The following PLCB1 variants were observed in gnomAD, a reference collection of about 807,000 sequenced individuals.
PLCB1 encodes phospholipase C beta 1.
PLCB1 carries 46 observed loss-of-function variants against 161.8 expected under a neutral mutation model. The observed-to-expected ratio is 0.28, with a 90% CI of 0.22 to 0.36. The LOEUF is 0.36. Ranked by LOEUF, PLCB1 falls within the 10% of genes least tolerant of loss-of-function variation. PLCB1 has a pLI of 1.00. For synonymous variants in PLCB1, 517 were observed against 503.7 expected (o/e 1.03, Z -0.35); for missense variants, 1,016 against 1,472.5 (o/e 0.69, Z 5.07).
At chr20:8,699,134 CAG>C (rs1261228242) in intron 11 of PLCB1, among the ~76,000 whole-genome samples, 6 of 152,174 alleles carry the variant, frequency 3.9e-5, no homozygotes, top group Non-Finnish European at 7.3e-5. Flanking sequence ...AAATGGGAAT[CAG>C]AAGAGAAGGG....
intron 2 of PLCB1, among the ~76,000 whole-genome samples, chr20:8,258,309 C>A (rs887667248): frequency 1.4e-4 from 21 of 152,110 alleles, no homozygotes; most frequent in African/African-American, 4.3e-4. Flanking sequence ...GATTATAGTT[C>A]TCTTCATAGA....
At chr20:8,774,964 C>A (rs1600316634) in intron 27 of PLCB1, among the ~76,000 whole-genome samples, 1 of 151,970 alleles carries the variant, frequency 6.6e-6, no homozygotes, top group South Asian at 2.1e-4. Flanking sequence ...TTTTCACTAA[C>A]TTATGTTGAG....
chr20:8,646,257 G>C (rs1217893072), intron 5 of PLCB1, 76 bp downstream of exon 5: 7 of 974,206 alleles, frequency 7.2e-6, no homozygotes, highest in Non-Finnish European at 1.2e-5. Context: ...TGAGTCTTCC[G>C]TTTATGCCAT....
intron 2 of PLCB1, among the ~76,000 whole-genome samples, chr20:8,215,791 A>C (rs1000215022): frequency 6.6e-6 from 1 of 152,022 alleles, no homozygotes; most frequent in African/African-American, 2.4e-5. Flanking sequence ...GATCTTTGAA[A>C]AGTGCTGAAG....
chr20:8,376,785 G>C (rs1020531462), intron 3 of PLCB1, among the ~76,000 whole-genome samples: 1 of 151,986 alleles, frequency 6.6e-6, no homozygotes, highest in Non-Finnish European at 1.5e-5. Context: ...AAAATTAGCT[G>C]GGCATGGTGG....
rs555306437 is a variant in PLCB1 at position 8,143,876 on chromosome 20, A to G, written c.100-6418A>G. ...AAACCATGTTTTCAACCCTGGCACC[A>G]TTGACATTTGGTCCCAGTAGTTTTT... On this transcript the variant is annotated intron_variant, in intron 1 of 31. Coordinates refer to ENST00000338037, the MANE Select transcript of PLCB1 (RefSeq NM_015192.4). 6.6e-5 allele frequency among the ~76,000 whole-genome samples: 10 copies of G among 152,318 alleles called. No homozygotes were observed. The South Asian group carries it at 1.5e-3, about 22-fold the overall frequency.
At chr20:8,738,517 G>C in intron 20 of PLCB1, among the ~76,000 whole-genome samples, 1 of 151,930 alleles carries the variant, frequency 6.6e-6, no homozygotes, top group South Asian at 2.1e-4. Flanking sequence ...TGCACATTGT[G>C]CACATGTACC....
In PLCB1 at chr20:8,146,799, A is replaced by G. The variant is rs900897793; in HGVS notation, c.100-3495A>G. 2.0e-3 allele frequency among the ~76,000 whole-genome samples: 299 copies of G among 152,282 alleles called. 3 individuals carry two copies. Among genetic ancestry groups the G allele is most frequent in the Non-Finnish European group, 5.7e-4 (39 of 68,032 alleles). On this transcript the variant is annotated intron_variant, in intron 1 of 31. Coordinates refer to ENST00000338037, the MANE Select transcript of PLCB1 (RefSeq NM_015192.4). ...ATTACTAAATAACATCTTCTTAATT[A>G]CTATATTAATCTTCACTATTTATGA...
intron 3 of PLCB1, among the ~76,000 whole-genome samples, chr20:8,529,389 T>G (rs1215401173): frequency 6.6e-6 from 1 of 152,056 alleles, no homozygotes; most frequent in African/African-American, 2.4e-5. Context: ...ACAGCAACAC[T>G]TCCCCCAGAA....
chr20:8,881,723 A>C lies in PLCB1; in HGVS notation c.3525A>C (p.Glu1175Asp), dbSNP rs1455824326. ...AAGCCATGAAAGGAAAGATCAGTGA[A>C]GACAGCAATCACGGTTCTGCCCCTC... ...VQEAMKGKIS[E>D]DSNHGSAPLS... is the part of the protein sequence containing the mutation. Residue 1175 changes from glutamate to aspartate, a missense_variant, in exon 32 of 32, where the codon GAA becomes GAC. Coordinates refer to ENST00000338037, the MANE Select transcript of PLCB1 (RefSeq NM_015192.4). The C allele has an allele frequency of 6.2e-7, 1 of 1,614,030 alleles. No individual in the cohort carries two copies. Among genetic ancestry groups the C allele is most frequent in the South Asian group, 1.1e-5 (1 of 91,074 alleles).
chr20:8,852,937 G>A (rs1986939763), intron 31 of PLCB1, among the ~76,000 whole-genome samples: 1 of 152,178 alleles, frequency 6.6e-6, no homozygotes, highest in Non-Finnish European at 1.5e-5. Flanking sequence ...GTTACATTAT[G>A]TCAGTTTACA....
chr20:8,775,073 C>CTTTTTTT, intron 27 of PLCB1, among the ~76,000 whole-genome samples: 1 of 123,938 alleles, frequency 8.1e-6, no homozygotes, highest in Non-Finnish European at 1.7e-5. Flanking sequence ...CAAATTTTCC[C>CTTTTTTT]TTTTTTTTTT....
At chr20:8,639,038 G>T (rs1169367378) in intron 4 of PLCB1, among the ~76,000 whole-genome samples, 4 of 152,254 alleles carry the variant, frequency 2.6e-5, no homozygotes, top group African/African-American at 9.6e-5. Flanking sequence ...ACTGCCTGGG[G>T]TGGGCATTGT....
chr20:8,853,642 A>G (rs949982660), intron 31 of PLCB1, among the ~76,000 whole-genome samples: 2 of 152,182 alleles, frequency 1.3e-5, no homozygotes, highest in Admixed American at 6.5e-5. Context: ...TGGTGCTTCT[A>G]TGAACACTTG....
chr20:8,631,272 T>G (rs1988580686), intron 4 of PLCB1, among the ~76,000 whole-genome samples: 1 of 152,188 alleles, frequency 6.6e-6, no homozygotes, highest in Non-Finnish European at 1.5e-5. Flanking sequence ...ACTTTGACAA[T>G]CTCTTCCTTA....
chr20:8,772,876 G>A (rs1287289846), intron 26 of PLCB1, among the ~76,000 whole-genome samples: 1 of 151,940 alleles, frequency 6.6e-6, no homozygotes. Flanking sequence ...GTTGTGGTGA[G>A]CTAAGATCGT....
chr20:8,790,223 A>C lies in PLCB1; in HGVS notation c.3385A>C (p.Lys1129Gln). 1.2e-6 allele frequency: 2 copies of C among 1,612,186 alleles called. No individual in the cohort carries two copies. Among genetic ancestry groups the C allele is most frequent in the Non-Finnish European group, 1.7e-6 (2 of 1,178,722 alleles). ...KRQEKLVEKH[K>Q]EIRQQILDEK... ...GCAAGAAAAACTCGTAGAGAAACACAAGGAAATACGTCAGCAGATCCTGGA... is the reference window on the plus strand; with the variant it reads ...GCAAGAAAAACTCGTAGAGAAACACCAGGAAATACGTCAGCAGATCCTGGA... Residue 1129 changes from lysine to glutamine, a missense_variant, in exon 31 of 32, where the codon AAG becomes CAG. Physicochemically the swap from Lys to Gln is moderately conservative, Grantham distance 53. Around this residue, in one of 10 missense-constraint regions of PLCB1, gnomAD observed 398 missense variants for 445.4 expected, o/e 0.89. Transcript: ENST00000338037.
chr20:8,711,603 G>T lies in PLCB1; in HGVS notation c.1250+2851G>T, dbSNP rs1433234833. ...AAATACTAAAAGATAAAATTCTATT[G>T]TGGAGGAAGTGGGTGGGAGTTGCTT... On this transcript the variant is annotated intron_variant, in intron 12 of 31. Transcript: ENST00000338037. Among the ~76,000 whole-genome samples, 3 of 152,180 alleles carry T rather than the reference G, an allele frequency of 2.0e-5. No homozygotes were observed. The East Asian group carries it at 5.8e-4, about 29-fold the overall frequency.
Position 8,879,319 on chromosome 20 carries a change from T to C in PLCB1, c.3424-2303T>C, listed in dbSNP as rs537965597. ...GTGAAAAAAAAAAAAAAACAAGTCATTTAAACTAGATCCATAATCTGTTAT... is the reference window on the plus strand; with the variant it reads ...GTGAAAAAAAAAAAAAAACAAGTCACTTAAACTAGATCCATAATCTGTTAT... On this transcript the variant is annotated intron_variant, in intron 31 of 31. Transcript: ENST00000338037. 2.0e-5 allele frequency among the ~76,000 whole-genome samples: 3 copies of C among 151,444 alleles called. No individual in the cohort carries two copies. In the East Asian group the frequency reaches 5.8e-4, roughly 29 times the overall value.
Sources: allele counts gnomAD v4.1 joint callset (sites outside exome capture counted in the v4.1 genomes callset), GRCh38; gene constraint gnomAD v4.1.1; regional missense constraint gnomAD v4.1.1; transcripts MANE v1.5; gene names NCBI Gene and HGNC (gene_info 2026-07-23, HGNC 2026-07-21).